Variants in TUSC3 observed in about 807,000 individuals in gnomAD.
TUSC3 encodes the protein tumor suppressor candidate 3, also known as dolichyl-diphosphooligosaccharide--protein glycosyltransferase subunit TUSC3.
In TUSC3, 45 loss-of-function variants were observed where a neutral mutation model predicts 44.8. The ratio of observed to expected loss-of-function variants is 1.00; its 90% CI spans 0.79 to 1.29. TUSC3 has a LOEUF of 1.29. Among genes scored for constraint, TUSC3 ranks in the 50% most tolerant of loss-of-function variants. The pLI, the probability that TUSC3 is intolerant of heterozygous loss-of-function variation, is 0.00. For synonymous variants in TUSC3, 212 were observed against 152.9 expected (o/e 1.39, Z -2.85); for missense variants, 519 against 437.9 (o/e 1.19, Z -1.65).
intron 9 of TUSC3, among the ~76,000 whole-genome samples, chr8:15,755,735 A>C (rs1811901419): frequency 6.6e-6 from 1 of 152,206 alleles, no homozygotes; most frequent in South Asian, 2.1e-4. Flanking sequence ...TTCTTAAAAA[A>C]AGAAAAAAAA....
chr8:15,845,273 C>T, the TUSC3 span, among the ~76,000 whole-genome samples: 202 of 152,210 alleles, frequency 1.3e-3, no homozygotes, highest in Non-Finnish European at 2.5e-3. Context: ...TGTGACCCTG[C>T]GCAAGGCACG....
intron 3 of TUSC3, among the ~76,000 whole-genome samples, chr8:15,656,772 C>G (rs1807188074): frequency 6.6e-6 from 1 of 152,196 alleles, no homozygotes; most frequent in Non-Finnish European, 1.5e-5. Flanking sequence ...TCTGCCTCTG[C>G]AACAAGTCTT....
At chr8:15,793,387 A>C in the TUSC3 span, among the ~76,000 whole-genome samples, 1 of 152,066 alleles carries the variant, frequency 6.6e-6, no homozygotes, top group Non-Finnish European at 1.5e-5. Flanking sequence ...AGCCTTGCAC[A>C]CAGCATAGCA....
intron 5 of TUSC3, among the ~76,000 whole-genome samples, chr8:15,669,024 C>T (rs972578839): frequency 1.3e-5 from 2 of 151,608 alleles, no homozygotes; most frequent in African/African-American, 4.8e-5. Context: ...AATTTGGGAC[C>T]CACTGGACTC....
At chr8:15,698,505 T>C (rs1809261486) in intron 6 of TUSC3, among the ~76,000 whole-genome samples, 1 of 152,216 alleles carries the variant, frequency 6.6e-6, no homozygotes, top group African/African-American at 2.4e-5. Context: ...AGGAATGCTT[T>C]TCCCATTATA....
intron 1 of TUSC3, among the ~76,000 whole-genome samples, chr8:15,443,840 G>C (rs990937120): frequency 2.0e-5 from 3 of 152,068 alleles, no homozygotes; most frequent in African/African-American, 7.2e-5. Context: ...GGATTAGCTG[G>C]CACCACCCAG....
rs769431706 is a variant in TUSC3, at chr8:15,623,218, C to CT, written c.279dup (p.Gln94SerfsTer13). ...TTCCATGATTGTTATGTTCACTGCT[C>CT]TTCAGCCTCAGCGGCAGTGTTCTGT... On this transcript the variant is annotated frameshift_variant, in exon 2 of 11. Transcript: ENST00000503731. LOFTEE classifies it high-confidence loss of function. 1.7e-5 allele frequency: 27 copies of CT among 1,610,500 alleles called. No individual in the cohort carries two copies. Among genetic ancestry groups the CT allele is most frequent in the Non-Finnish European group, 2.2e-5 (26 of 1,178,346 alleles).
chr8:15,761,079 G>T (rs1812151785), intron 10 of TUSC3, among the ~76,000 whole-genome samples: 1 of 152,114 alleles, frequency 6.6e-6, no homozygotes, highest in African/African-American at 2.4e-5. Context: ...AGTACACAAT[G>T]GTTGTTAAAT....
intron 3 of TUSC3, chr8:15,651,022 C>CACAA (rs1424105424): frequency 4.6e-6 from 2 of 431,888 alleles, no homozygotes; most frequent in African/African-American, 4.5e-5. Context: ...CACACACACA[C>CACAA]AAATACAATT....
At chr8:15,448,549 G>A (rs1266089604) in intron 1 of TUSC3, among the ~76,000 whole-genome samples, 2 of 152,138 alleles carry the variant, frequency 1.3e-5, no homozygotes, top group East Asian at 1.9e-4. Flanking sequence ...GAAAATAGTA[G>A]AGCAGATGTA....
the TUSC3 span, among the ~76,000 whole-genome samples, chr8:15,790,698 T>C: frequency 6.6e-6 from 1 of 152,072 alleles, no homozygotes; most frequent in Non-Finnish European, 1.5e-5. Context: ...TTAGTGATAG[T>C]TGAAGGATGG....
At chr8:15,468,122 C>T (rs1045940760) in intron 1 of TUSC3, among the ~76,000 whole-genome samples, 1 of 152,104 alleles carries the variant, frequency 6.6e-6, no homozygotes, top group African/African-American at 2.4e-5. Flanking sequence ...TGATGAGTCT[C>T]TCCTGAAAAG....
chr8:15,804,103 T>C, the TUSC3 span, among the ~76,000 whole-genome samples: 4 of 152,290 alleles, frequency 2.6e-5, no homozygotes, highest in Non-Finnish European at 4.4e-5. Flanking sequence ...TTTCTGGTTC[T>C]AGATCCTTCA....
intron 9 of TUSC3, among the ~76,000 whole-genome samples, chr8:15,749,325 T>C (rs1216706213): frequency 6.6e-6 from 1 of 152,118 alleles, no homozygotes; most frequent in Non-Finnish European, 1.5e-5. Context: ...TTAGAACGTT[T>C]CCACACAGAT....
intron 2 of TUSC3, among the ~76,000 whole-genome samples, chr8:15,523,481 C>G (rs1019324076): frequency 2.0e-5 from 3 of 151,878 alleles, no homozygotes; most frequent in African/African-American, 4.8e-5. Context: ...AGGACCAACA[C>G]TATTTATTCT....
chr8:15,797,463 G>C, the TUSC3 span, among the ~76,000 whole-genome samples: 9 of 152,256 alleles, frequency 5.9e-5, no homozygotes, highest in East Asian at 1.7e-3. Context: ...TACTTGGCAA[G>C]CAGTTCTTTT....
chr8:15,606,839 T>C (rs939540244), intron 1 of TUSC3, among the ~76,000 whole-genome samples: 15 of 152,126 alleles, frequency 9.9e-5, no homozygotes, highest in Non-Finnish European at 2.2e-4. Flanking sequence ...TCTTGAAAGA[T>C]GTTACCAATG....
intron 2 of TUSC3, among the ~76,000 whole-genome samples, chr8:15,525,417 T>A (rs573948186): frequency 6.6e-6 from 1 of 152,216 alleles, no homozygotes; most frequent in African/African-American, 2.4e-5. Context: ...CAAGCTTGTT[T>A]TAAATAAAAA....
intron 2 of TUSC3, among the ~76,000 whole-genome samples, chr8:15,510,399 G>A (rs571300501): frequency 6.6e-6 from 1 of 152,202 alleles, no homozygotes; most frequent in South Asian, 2.1e-4. Flanking sequence ...TATCAGACAT[G>A]AGAGCAATGA....
Sources: allele counts gnomAD v4.1 joint callset (sites outside exome capture counted in the v4.1 genomes callset), GRCh38; gene constraint gnomAD v4.1.1; transcripts MANE v1.5; gene names NCBI Gene and HGNC (gene_info 2026-07-23, HGNC 2026-07-21).